Variants in WDR43 observed in about 807,000 individuals in gnomAD.
WDR43 encodes WD repeat-containing protein 43.
WDR43 carries 13 observed loss-of-function variants against 91.4 expected under a neutral mutation model. The ratio of observed to expected loss-of-function variants is 0.14; its 90% CI spans 0.09 to 0.23. The LOEUF is 0.23. Ranked by LOEUF, WDR43 falls within the 10% of genes least tolerant of loss-of-function variation. The pLI is 1.00. For missense variants in WDR43, 780 were observed against 809.4 expected (o/e 0.96, Z 0.44); for synonymous variants, 331 against 287.9 (o/e 1.15, Z -1.51).
intron 5 of WDR43, 51 bp from the exon 6 acceptor site, chr2:28,917,842 G>A: frequency 6.6e-7 from 1 of 1,516,022 alleles, no homozygotes; most frequent in African/African-American, 1.4e-5. Flanking sequence ...GCCTTTTTAG[G>A]AAGAAAATTA....
At chr2:28,896,068 CAG>C (rs1308611659) in intron 1 of WDR43, among the ~76,000 whole-genome samples, 3 of 152,090 alleles carry the variant, frequency 2.0e-5, no homozygotes, top group Admixed American at 1.3e-4. Flanking sequence ...ATAAACCTAT[CAG>C]GGCTTATAAG....
In WDR43 at chr2:28,914,117, A is replaced by G. The variant is rs772940338; in HGVS notation, c.655A>G (p.Ile219Val). Residue 219 changes from isoleucine to valine, a missense_variant, in exon 5 of 18, where the codon ATC becomes GTC. Ile to Val is a conservative substitution (Grantham distance 29). Around this residue, in one of 4 missense-constraint regions of WDR43, gnomAD observed 174 missense variants for 207.3 expected, o/e 0.84. Coordinates refer to ENST00000407426, the MANE Select transcript of WDR43 (RefSeq NM_015131.3). ...TPVSSLMFTT[I>V]RPPNESQPFD... ...AGTTTCGTCACTGATGTTCACTACCATCAGACCTCCTAATGAGAGCCAGCC... is the reference window on the plus strand; with the variant it reads ...AGTTTCGTCACTGATGTTCACTACCGTCAGACCTCCTAATGAGAGCCAGCC... 1.2e-6 allele frequency: 2 copies of G among 1,613,978 alleles called. No homozygotes were observed. The highest frequency in any genetic ancestry group is 8.5e-7 in the Non-Finnish European group (1 of 1,179,884).
intron 3 of WDR43, among the ~76,000 whole-genome samples, chr2:28,911,931 T>C (rs189776793): frequency 8.5e-5 from 13 of 152,312 alleles, no homozygotes; most frequent in Admixed American, 1.3e-4. Context: ...GCCCCTGCTG[T>C]TACTTCTTAT....
intron 5 of WDR43, among the ~76,000 whole-genome samples, chr2:28,917,347 A>G (rs761237262): frequency 6.6e-6 from 1 of 152,186 alleles, no homozygotes; most frequent in Non-Finnish European, 1.5e-5. Flanking sequence ...ATATGTGTGT[A>G]TATATAGGTC....
At chr2:28,917,795 A>C in intron 5 of WDR43, 98 bp from the exon 6 acceptor site, 1 of 1,007,806 alleles carries the variant, frequency 9.9e-7, no homozygotes, top group East Asian at 2.7e-5. Context: ...GCTATTGGGA[A>C]TCTCATGTGC....
At chr2:28,909,564 A>G (rs371285612) in intron 3 of WDR43, among the ~76,000 whole-genome samples, 1 of 152,124 alleles carries the variant, frequency 6.6e-6, no homozygotes. Context: ...TGCTATTTGG[A>G]AACAAAGCAT....
At chr2:28,896,360 G>T (rs1400845330) in intron 1 of WDR43, among the ~76,000 whole-genome samples, 2 of 152,254 alleles carry the variant, frequency 1.3e-5, no homozygotes, top group Non-Finnish European at 2.9e-5. Context: ...TTCATAGAGT[G>T]GTTGTGAAGG....
At chr2:28,910,975 G>C (rs1378826030) in intron 3 of WDR43, among the ~76,000 whole-genome samples, 2 of 151,948 alleles carry the variant, frequency 1.3e-5, no homozygotes, top group Admixed American at 1.3e-4. Context: ...TGGGATTACA[G>C]ATGTGAGCCA....
At chr2:28,930,186 G>C (rs184984856) in intron 11 of WDR43, 4 of 452,720 alleles carry the variant, frequency 8.8e-6, no homozygotes, top group African/African-American at 2.0e-5. Context: ...AGGGTTGGGG[G>C]TTATGTTGTA....
intron 4 of WDR43, chr2:28,913,763 T>C (rs754128006): frequency 1.8e-6 from 1 of 559,748 alleles, no homozygotes; most frequent in East Asian, 4.7e-5. Flanking sequence ...AGTATGCCTT[T>C]TAAAATGGAT....
Position 28,935,392 on chromosome 2 carries a change from A to T in WDR43, c.1438-129A>T, listed in dbSNP as rs1671319578. ...TCCCTCCAACCTTTATTTTTGCTAAATTCAGTTTGTAGTTTATTGCCTTGG... is the reference window on the plus strand; with the variant it reads ...TCCCTCCAACCTTTATTTTTGCTAATTTCAGTTTGTAGTTTATTGCCTTGG... On this transcript the variant is annotated intron_variant, in intron 11 of 17. Coordinates refer to ENST00000407426, the MANE Select transcript of WDR43 (RefSeq NM_015131.3). 5 of 586,652 alleles carry T rather than the reference A, an allele frequency of 8.5e-6. No individual in the cohort carries two copies. The Middle Eastern group carries it at 1.4e-3, about 164-fold the overall frequency. The allele number at this position is 586,652 out of a possible 1,614,324, so 36.3% of individuals were successfully genotyped here.
chr2:28,894,932 AGCGGGACTGC>A lies in WDR43; in HGVS notation c.225+15_225+24del. 6.4e-7 allele frequency: 1 copy of A among 1,564,938 alleles called. No homozygotes were observed. The highest frequency in any genetic ancestry group is 1.4e-5 in the African/African-American group (1 of 73,466). On this transcript the variant is annotated intron_variant, in intron 1 of 17. Transcript: ENST00000407426. Reference sequence around the variant, plus strand: ...CGCGGCTGCAGGCCAAGGTAAAGCGAGCGGGACTGCGCGGGGCGGGCGCCTTCCCGGGCTC... The same window carrying A: ...CGCGGCTGCAGGCCAAGGTAAAGCGAGCGGGGCGGGCGCCTTCCCGGGCTC...
At chr2:28,920,130 G>A (rs1670993550) in intron 6 of WDR43, among the ~76,000 whole-genome samples, 1 of 151,866 alleles carries the variant, frequency 6.6e-6, no homozygotes. Flanking sequence ...ACAGGTGTGA[G>A]CCACCGTGCC....
chr2:28,920,224 C>CTTTTTTTTT (rs751048652), intron 6 of WDR43, among the ~76,000 whole-genome samples: 2 of 108,072 alleles, frequency 1.9e-5, no homozygotes, highest in Non-Finnish European at 1.8e-5. Flanking sequence ...TTTTTTCTTT[C>CTTTTTTTTT]TTTTTTTTTT....
intron 2 of WDR43, chr2:28,905,047 G>A (rs1163620684): frequency 6.6e-6 from 1 of 152,144 alleles, no homozygotes; most frequent in African/African-American, 2.4e-5. Flanking sequence ...GACCTTCTGG[G>A]ATAGGTAAGA....
intron 15 of WDR43, 80 bp downstream of exon 15, chr2:28,941,654 AG>A (rs767188019): frequency 9.0e-5 from 101 of 1,118,140 alleles, no homozygotes; most frequent in Non-Finnish European, 1.3e-4. Flanking sequence ...ATTTTGAGAC[AG>A]GGTCTTGCTC....
At position 28,930,389 on chromosome 2, in the gene WDR43, G is replaced by C. The variant is rs1382841949; in HGVS notation, c.1437+679G>C. On this transcript the variant is annotated intron_variant, in intron 11 of 17. Coordinates refer to ENST00000407426, the MANE Select transcript of WDR43 (RefSeq NM_015131.3). ...AGTACTGCCTGATCAGATTAAAGCA[G>C]TTTACATTTGCTAATGCATTTATTC... Among the ~76,000 whole-genome samples the C allele has an allele frequency of 2.0e-5, 3 of 152,136 alleles. No homozygotes were observed. In the East Asian group the frequency reaches 5.8e-4, roughly 29 times the overall value.
chr2:28,944,048 A>C (rs556441734), intron 16 of WDR43, among the ~76,000 whole-genome samples: 1 of 152,352 alleles, frequency 6.6e-6, no homozygotes, highest in East Asian at 1.9e-4. Flanking sequence ...GGGGATGCCC[A>C]GAACTCTTTG....
chr2:28,931,680 C>A (rs1671248648), intron 11 of WDR43, among the ~76,000 whole-genome samples: 1 of 149,138 alleles, frequency 6.7e-6, no homozygotes, highest in Non-Finnish European at 1.5e-5. Context: ...AAGAACGTTT[C>A]AAAGATGTTA....
Sources: allele counts gnomAD v4.1 joint callset (sites outside exome capture counted in the v4.1 genomes callset), GRCh38; gene constraint gnomAD v4.1.1; regional missense constraint gnomAD v4.1.1; transcripts MANE v1.5; gene names NCBI Gene and HGNC (gene_info 2026-07-23, HGNC 2026-07-21).